Variants in HIKESHI observed in about 807,000 individuals in gnomAD.
HIKESHI encodes the protein protein Hikeshi.
In HIKESHI, 13 loss-of-function variants were observed where a neutral mutation model predicts 25.7. That is an observed-to-expected ratio of 0.51 (90% CI 0.33 to 0.80). The LOEUF (loss-of-function observed/expected upper bound fraction) is 0.80. Ranked by LOEUF, HIKESHI falls within the 30% of genes least tolerant of loss-of-function variation. The probability of loss-of-function intolerance (pLI) is 0.02; values close to 1 mark genes in which losing one functional copy is unlikely to be tolerated. For synonymous variants in HIKESHI, 76 were observed against 78.7 expected (o/e 0.97, Z 0.18); for missense variants, 174 against 229.5 (o/e 0.76, Z 1.56).
chr11:86,307,971 A>ATATATTATATATAAAATATATAT lies in HIKESHI; in HGVS notation c.268+1492_268+1493insATTATATATAAAATATATATTAT, dbSNP rs201641902. Among the ~76,000 whole-genome samples the ATATATTATATATAAAATATATAT allele has an allele frequency of 4.0e-5, 3 of 74,552 alleles. 1 individual carries two copies. In the East Asian group the frequency reaches 1.1e-3, roughly 28 times the overall value. The allele number at this position is 74,552 out of a possible 152,430, so 48.9% of individuals were successfully genotyped here. On this transcript the variant is annotated intron_variant, in intron 2 of 4. Coordinates refer to ENST00000278483, the MANE Select transcript of HIKESHI (RefSeq NM_016401.4). ...GTGTAATATATATTATATAAAATATATATGTGTAATATATATTATATATAA... is the reference window on the plus strand; with the variant it reads ...GTGTAATATATATTATATAAAATATATATATTATATATAAAATATATATTATGTGTAATATATATTATATATAA...
intron 2 of HIKESHI, among the ~76,000 whole-genome samples, chr11:86,321,070 G>GA (rs1947135794): frequency 6.6e-6 from 1 of 151,838 alleles, no homozygotes; most frequent in Non-Finnish European, 1.5e-5. Context: ...GAGTAGCTGG[G>GA]ATTATAGGCG....
chr11:86,323,313 T>A (rs1041496592), intron 2 of HIKESHI, among the ~76,000 whole-genome samples: 8 of 152,182 alleles, frequency 5.3e-5, no homozygotes, highest in African/African-American at 1.9e-4. Flanking sequence ...TAGATACTTT[T>A]ATAGTTTTTT....
In HIKESHI at chr11:86,345,680, G is replaced by A. The variant is rs375875670; in HGVS notation, c.*42G>A. On this transcript the variant is annotated 3_prime_UTR_variant, in exon 5 of 5. Transcript: ENST00000278483. ...TTTAATGGATTCTGAAATTTGTCAT[G>A]TTTTGAAGATAACTGACTCCATCTA... 3 of 1,276,126 alleles carry A rather than the reference G, an allele frequency of 2.4e-6. No individual in the cohort carries two copies. Among genetic ancestry groups the A allele is most frequent in the Admixed American group, 2.0e-5 (1 of 49,386 alleles). The allele number at this position is 1,276,126 out of a possible 1,614,324, so 79.1% of individuals were successfully genotyped here.
At chr11:86,316,460 C>T (rs567666568) in intron 2 of HIKESHI, among the ~76,000 whole-genome samples, 1 of 151,940 alleles carries the variant, frequency 6.6e-6, no homozygotes, top group South Asian at 2.1e-4. Flanking sequence ...TGCAGTGAGC[C>T]GAGACCCCAC....
chr11:86,316,348 C>A (rs565311724), intron 2 of HIKESHI, among the ~76,000 whole-genome samples: 1 of 150,092 alleles, frequency 6.7e-6, no homozygotes, highest in Admixed American at 6.6e-5. Context: ...CCCGTCTCCA[C>A]TAAAAATACA....
At chr11:86,316,115 TAAAAA>T (rs11340933) in intron 2 of HIKESHI, among the ~76,000 whole-genome samples, 12 of 75,246 alleles carry the variant, frequency 1.6e-4, no homozygotes, top group African/African-American at 5.8e-4. Flanking sequence ...CTGTCTCCAT[TAAAAA>T]AAAAAAAAAA....
chr11:86,308,289 AT>A (rs1289742029), intron 2 of HIKESHI, among the ~76,000 whole-genome samples: 8 of 90,370 alleles, frequency 8.9e-5, no homozygotes, highest in Middle Eastern at 6.3e-3. Context: ...TAAAATATAT[AT>A]TACATATAAT....
intron 2 of HIKESHI, among the ~76,000 whole-genome samples, chr11:86,317,011 C>G (rs1947004466): frequency 1.3e-5 from 2 of 151,834 alleles, no homozygotes; most frequent in African/African-American, 4.8e-5. Flanking sequence ...CCAGGATGGT[C>G]TCGATCTCCT....
chr11:86,321,028 G>T (rs913805888), intron 2 of HIKESHI, among the ~76,000 whole-genome samples: 2 of 151,392 alleles, frequency 1.3e-5, no homozygotes, highest in African/African-American at 4.9e-5. Flanking sequence ...TCCACCTCCT[G>T]GGTTCAAGTG....
intron 2 of HIKESHI, among the ~76,000 whole-genome samples, chr11:86,317,543 G>T (rs1947019770): frequency 6.6e-6 from 1 of 152,228 alleles, no homozygotes; most frequent in East Asian, 1.9e-4. Flanking sequence ...GGTGGCTCAT[G>T]CCTATAATCC....
At chr11:86,316,144 C>T (rs1399923292) in intron 2 of HIKESHI, among the ~76,000 whole-genome samples, 1 of 147,338 alleles carries the variant, frequency 6.8e-6, no homozygotes. Context: ...AAAAAGTGCA[C>T]CTTCCCTATC....
intron 2 of HIKESHI, among the ~76,000 whole-genome samples, chr11:86,324,580 A>C (rs972588989): frequency 1.3e-5 from 2 of 152,208 alleles, no homozygotes; most frequent in Non-Finnish European, 2.9e-5. Context: ...CAGAATTCTT[A>C]ATTTATATAT....
rs976762072 is a variant in HIKESHI at position 86,320,984 on chromosome 11, G to T, written c.268+14502G>T. On this transcript the variant is annotated intron_variant, in intron 2 of 4. Coordinates refer to ENST00000278483, the MANE Select transcript of HIKESHI (RefSeq NM_016401.4). ...GAGTCTCACACTGTTGCTCAGGCTG[G>T]AGTGCAATGGTGTGATCTCGGCTCA... is the stretch of plus-strand genomic sequence containing the variant. 9.9e-5 allele frequency among the ~76,000 whole-genome samples: 15 copies of T among 152,194 alleles called. 1 individual carries two copies. The South Asian group carries it at 2.3e-3, about 23-fold the overall frequency.
intron 2 of HIKESHI, among the ~76,000 whole-genome samples, chr11:86,321,946 G>A (rs1019430598): frequency 3.9e-5 from 6 of 152,012 alleles, no homozygotes; most frequent in South Asian, 2.1e-4. Context: ...TTCCCTTGTC[G>A]TTTTAATTTG....
At chr11:86,306,572 T>C (rs1024990109) in intron 2 of HIKESHI, 90 bp downstream of exon 2, 9 of 757,548 alleles carry the variant, frequency 1.2e-5, no homozygotes, top group Admixed American at 8.8e-5. Flanking sequence ...CCCCTTTAGA[T>C]TGTGTTTTTC....
rs535137343 is a variant in HIKESHI at position 86,308,852 on chromosome 11, G to A, written c.268+2370G>A. On this transcript the variant is annotated intron_variant, in intron 2 of 4. Transcript: ENST00000278483. ...TTCTGTCCTTGCGATAGTTTGCTCA[G>A]AATGATGGTTTCCAGCTTCATCCAT... Among the ~76,000 whole-genome samples the A allele has an allele frequency of 1.6e-3, 247 of 152,120 alleles. 1 individual carries two copies. Among genetic ancestry groups the A allele is most frequent in the Non-Finnish European group, 2.9e-3 (194 of 68,010 alleles).
Position 86,345,413 on chromosome 11 carries a change from T to C in HIKESHI, c.540-171T>C, listed in dbSNP as rs530994243. 1.4e-5 allele frequency: 7 copies of C among 500,802 alleles called. No homozygotes were observed. The Admixed American group carries it at 2.4e-4, about 17-fold the overall frequency. 31.0% of individuals were successfully genotyped at this position (500,802 alleles called of 1,614,324 possible). ...AACTGCCCCGATATTTAAATTCCTA[T>C]GCTTGCTGTCTTTTTATAAGAATAA... On this transcript the variant is annotated intron_variant, in intron 4 of 4. Transcript: ENST00000278483.
In HIKESHI at chr11:86,326,407, A is replaced by T; in HGVS notation, c.269-10972A>T. 6.7e-6 allele frequency: 3 copies of T among 447,444 alleles called. 1 individual carries two copies. The highest frequency in any genetic ancestry group is 4.8e-5 in the South Asian group (3 of 63,136). 27.7% of individuals were successfully genotyped at this position (447,444 alleles called of 1,614,324 possible). A position where few individuals can be genotyped will look rare whatever the true frequency, so the allele number is the denominator to read the frequency against. Reference sequence around the variant, plus strand: ...TTATATTATGTAATTATCCATTTACATTGTGAAAGCTTGGGAAGTTACTTT... The same window carrying T: ...TTATATTATGTAATTATCCATTTACTTTGTGAAAGCTTGGGAAGTTACTTT... On this transcript the variant is annotated intron_variant, in intron 2 of 4. Coordinates refer to ENST00000278483, the MANE Select transcript of HIKESHI (RefSeq NM_016401.4).
At chr11:86,303,743 A>C (rs1946553887) in intron 1 of HIKESHI, among the ~76,000 whole-genome samples, 1 of 152,136 alleles carries the variant, frequency 6.6e-6, no homozygotes, top group South Asian at 2.1e-4. Context: ...TGGCATCTCA[A>C]AACTTAACTA....
Sources: allele counts gnomAD v4.1 joint callset (sites outside exome capture counted in the v4.1 genomes callset), GRCh38; gene constraint gnomAD v4.1.1; transcripts MANE v1.5; gene names NCBI Gene and HGNC (gene_info 2026-07-23, HGNC 2026-07-21).